Variants in ADGRV1 observed in about 807,000 individuals in gnomAD.
ADGRV1 encodes the protein G-protein coupled receptor 98.
In ADGRV1, 359 loss-of-function variants were observed where a neutral mutation model predicts 596.2. The observed-to-expected ratio is 0.60, with a 90% CI of 0.55 to 0.66. ADGRV1 has a LOEUF of 0.66. ADGRV1 is among the 30% of genes least tolerant of loss of function. The pLI is 0.00. For missense variants in ADGRV1, 7,274 were observed against 7,575.6 expected, an observed-to-expected ratio of 0.96 and a Z score of 1.48; for synonymous variants, 2,681 against 2,679.2, an observed-to-expected ratio of 1.00 and a Z score of -0.02.
intron 85 of ADGRV1, among the ~76,000 whole-genome samples, chr5:90,996,589 C>G (rs768482768): frequency 6.6e-6 from 1 of 152,152 alleles, no homozygotes; most frequent in Non-Finnish European, 1.5e-5. Flanking sequence ...GGGTTGGAGT[C>G]CCGACACAGA....
At chr5:90,722,104 G>A (rs1046672249) in intron 45 of ADGRV1, among the ~76,000 whole-genome samples, 1 of 152,152 alleles carries the variant, frequency 6.6e-6, no homozygotes, top group Non-Finnish European at 1.5e-5. Context: ...AATCATATAT[G>A]GATTTTGAAG....
chr5:90,961,811 TG>T (rs905918895), intron 83 of ADGRV1, among the ~76,000 whole-genome samples: 12 of 152,184 alleles, frequency 7.9e-5, no homozygotes, highest in Admixed American at 3.9e-4. Flanking sequence ...AAATACTTTT[TG>T]GGGGAACTAT....
chr5:90,787,701 T>G (rs1321054056), intron 67 of ADGRV1, among the ~76,000 whole-genome samples: 2 of 150,974 alleles, frequency 1.3e-5, no homozygotes, highest in African/African-American at 4.9e-5. Context: ...CAAGCAATTC[T>G]CCTGTTTCAG....
At chr5:90,819,102 T>C (rs1763213365) in intron 75 of ADGRV1, among the ~76,000 whole-genome samples, 1 of 152,182 alleles carries the variant, frequency 6.6e-6, no homozygotes, top group Admixed American at 6.5e-5. Flanking sequence ...CTCCTGTTAT[T>C]GGTCTATTCA....
intron 29 of ADGRV1, among the ~76,000 whole-genome samples, chr5:90,687,970 C>T (rs1285632397): frequency 6.6e-6 from 1 of 152,136 alleles, no homozygotes; most frequent in Non-Finnish European, 1.5e-5. Context: ...AATGGCCATA[C>T]TGCTCAAGGT....
intron 83 of ADGRV1, among the ~76,000 whole-genome samples, chr5:90,964,588 G>T (rs753445999): frequency 6.6e-6 from 1 of 152,108 alleles, no homozygotes; most frequent in African/African-American, 2.4e-5. Context: ...CACTTCACTT[G>T]CTCATTACTC....
At chr5:90,820,326 G>T (rs1395967746) in intron 75 of ADGRV1, among the ~76,000 whole-genome samples, 1 of 143,350 alleles carries the variant, frequency 7.0e-6, no homozygotes, top group Admixed American at 6.9e-5. Context: ...ACGTGAGATG[G>T]GTTTCCTGAA....
intron 85 of ADGRV1, among the ~76,000 whole-genome samples, chr5:90,997,798 T>G (rs939042538): frequency 6.6e-6 from 1 of 152,184 alleles, no homozygotes; most frequent in Non-Finnish European, 1.5e-5. Flanking sequence ...CTCTGTGAGC[T>G]TGAAGTTTTC....
chr5:91,055,438 T>C (rs569099584), intron 85 of ADGRV1, among the ~76,000 whole-genome samples: 1 of 152,320 alleles, frequency 6.6e-6, no homozygotes, highest in South Asian at 2.1e-4. Context: ...CCTTATCACA[T>C]GCTAGGTATA....
rs1297778544 is a variant in ADGRV1 at position 90,690,749 on chromosome 5, C to T, written c.6707-48C>T. ...GATGGTGCTTGGTTAACTGTTATCT[C>T]TGTTTCACTTTGTATTTGAAATGAA... On this transcript the variant is annotated intron_variant, in intron 30 of 89. Transcript: ENST00000405460. 5 of 1,553,888 alleles carry T rather than the reference C, an allele frequency of 3.2e-6. No individual in the cohort carries two copies. The East Asian group carries it at 1.2e-4, about 36-fold the overall frequency.
intron 83 of ADGRV1, among the ~76,000 whole-genome samples, chr5:90,884,108 A>C (rs1770052918): frequency 6.6e-6 from 1 of 152,196 alleles, no homozygotes. Context: ...GCCTTAGACT[A>C]GGATTTCTCA....
In ADGRV1 at chr5:90,965,144, T is replaced by A. The variant is rs182650890; in HGVS notation, c.17857-271T>A. On this transcript the variant is annotated intron_variant, in intron 83 of 89. Transcript: ENST00000405460. ...TCATGGGATTTTTGTTCATCAATGA[T>A]AAGAACAAGGTTTACTTTGAGAATT... 9.8e-5 allele frequency among the ~76,000 whole-genome samples: 15 copies of A among 152,340 alleles called. No homozygotes were observed. The East Asian group carries it at 2.7e-3, about 27-fold the overall frequency.
intron 1 of ADGRV1, among the ~76,000 whole-genome samples, chr5:90,612,761 T>C (rs562717121): frequency 1.3e-5 from 2 of 152,172 alleles, no homozygotes; most frequent in African/African-American, 4.8e-5. Context: ...TGAAAAAACA[T>C]ATGAGGAAGT....
intron 43 of ADGRV1, among the ~76,000 whole-genome samples, chr5:90,719,606 A>G (rs941795216): frequency 6.6e-6 from 1 of 152,118 alleles, no homozygotes; most frequent in African/African-American, 2.4e-5. Flanking sequence ...GTAGCATTTT[A>G]TAAAATAGAC....
chr5:90,779,858 A>G (rs1328274839), intron 64 of ADGRV1: 1 of 152,064 alleles, frequency 6.6e-6, no homozygotes, highest in African/African-American at 2.4e-5. Flanking sequence ...GCATGAAAAT[A>G]TTTTTGCCTT....
intron 28 of ADGRV1, among the ~76,000 whole-genome samples, chr5:90,685,423 A>C (rs989935706): frequency 6.6e-6 from 1 of 151,998 alleles, no homozygotes; most frequent in Non-Finnish European, 1.5e-5. Context: ...TCTCTACTAA[A>C]ATATAAAAGA....
intron 85 of ADGRV1, among the ~76,000 whole-genome samples, chr5:91,032,529 C>G (rs1212842914): frequency 2.0e-5 from 3 of 151,944 alleles, no homozygotes; most frequent in Admixed American, 1.3e-4. Context: ...TTCCTACTTT[C>G]TATAGTTGAG....
rs555387821 is a variant in ADGRV1 at position 91,060,605 on chromosome 5, G to A, written c.18153-11842G>A. ...ATTAAAATTTTAATAATAGTGCAAA[G>A]AAATGTATAGTGTATTTTAAACAGA... On this transcript the variant is annotated intron_variant, in intron 85 of 89. Coordinates refer to ENST00000405460, the MANE Select transcript of ADGRV1 (RefSeq NM_032119.4). 4.6e-5 allele frequency among the ~76,000 whole-genome samples: 7 copies of A among 152,184 alleles called. No homozygotes were observed. The East Asian group carries it at 1.3e-3, about 29-fold the overall frequency.
intron 59 of ADGRV1, among the ~76,000 whole-genome samples, chr5:90,771,184 G>A (rs1246494472): frequency 4.0e-5 from 6 of 151,472 alleles, no homozygotes; most frequent in African/African-American, 1.5e-4. Flanking sequence ...ATATACTTTT[G>A]CAGACTTCCA....
Sources: gnomAD v4.1 joint callset for allele counts (sites outside exome capture counted in the v4.1 genomes callset) on GRCh38, gnomAD v4.1.1 for gene constraint, MANE v1.5 for transcripts, NCBI Gene and HGNC (gene_info 2026-07-23, HGNC 2026-07-21) for gene names.